The following DCTN4 variants were observed in gnomAD, a reference collection of about 807,000 sequenced individuals.
DCTN4 encodes dynactin subunit 4.
Under a neutral mutation model 62.7 loss-of-function variants are expected in DCTN4, and 23 were observed. The ratio of observed to expected loss-of-function variants is 0.37; its 90% CI spans 0.26 to 0.52. The LOEUF (loss-of-function observed/expected upper bound fraction) is 0.52, where lower values mean the gene tolerates loss of function less well. Ranked by LOEUF, DCTN4 falls within the 20% of genes least tolerant of loss-of-function variation. The probability of loss-of-function intolerance (pLI) is 0.92; values close to 1 mark genes in which losing one functional copy is unlikely to be tolerated. For synonymous variants in DCTN4, 199 were observed against 202.1 expected (o/e 0.98, Z 0.13); for missense variants, 514 against 580.4 (o/e 0.89, Z 1.18).
intron 3 of DCTN4, among the ~76,000 whole-genome samples, chr5:150,746,106 G>A (rs1328279891): frequency 2.0e-5 from 3 of 150,556 alleles, no homozygotes; most frequent in Non-Finnish European, 4.4e-5. Context: ...ATGATAAAGG[G>A]GATATCACCA....
intron 8 of DCTN4, among the ~76,000 whole-genome samples, chr5:150,725,605 T>C (rs1236490633): frequency 6.6e-6 from 1 of 152,198 alleles, no homozygotes; most frequent in Non-Finnish European, 1.5e-5. Flanking sequence ...CGCTAATCTT[T>C]TAATATTTCT....
At chr5:150,758,656 A>T (rs1419893182) in intron 1 of DCTN4, 1 of 1,245,136 alleles carries the variant, frequency 8.0e-7, no homozygotes, top group Non-Finnish European at 1.1e-6. Context: ...TAGAACCAGA[A>T]GATCCGCTCA....
chr5:150,750,690 G>C (rs1008009634), intron 3 of DCTN4, among the ~76,000 whole-genome samples: 42 of 152,272 alleles, frequency 2.8e-4, no homozygotes, highest in African/African-American at 1.0e-3. Context: ...TTGCTTAAAA[G>C]TGAAAAATGT....
intron 3 of DCTN4, among the ~76,000 whole-genome samples, chr5:150,745,454 A>G (rs1174323064): frequency 3.3e-5 from 5 of 152,210 alleles, no homozygotes; most frequent in African/African-American, 1.2e-4. Context: ...ATAGACATCT[A>G]CAGAACTCTC....
intron 4 of DCTN4, among the ~76,000 whole-genome samples, chr5:150,739,703 G>A (rs938739674): frequency 6.6e-6 from 1 of 152,046 alleles, no homozygotes; most frequent in African/African-American, 2.4e-5. Flanking sequence ...AGTCACCAAC[G>A]CAGCATAATA....
chr5:150,731,868 T>A (rs1378558567), intron 5 of DCTN4: 4 of 1,551,236 alleles, frequency 2.6e-6, no homozygotes, highest in East Asian at 2.4e-5. Context: ...TCAGCAAGAA[T>A]CATAAAGGAG....
intron 12 of DCTN4, among the ~76,000 whole-genome samples, chr5:150,713,284 T>C (rs1759634548): frequency 6.6e-6 from 1 of 152,094 alleles, no homozygotes; most frequent in Non-Finnish European, 1.5e-5. Flanking sequence ...TTCTGGTCCC[T>C]AGCTAGACCT....
At chr5:150,742,283 A>G (rs1365283337) in intron 3 of DCTN4, 126 bp from the exon 4 acceptor site, 1 of 900,060 alleles carries the variant, frequency 1.1e-6, no homozygotes, top group East Asian at 2.4e-5. Flanking sequence ...TCTGGTCTAT[A>G]TAACTATAGA....
intron 4 of DCTN4, among the ~76,000 whole-genome samples, chr5:150,741,352 T>C (rs73278059): frequency 0.14 from 20,710 of 152,120 alleles, 2,422 homozygotes; most frequent in African/African-American, 0.31. Flanking sequence ...TTTAAAATAC[T>C]TGTGTGTAGA....
chr5:150,733,581 T>C, intron 4 of DCTN4, 106 bp from the exon 5 acceptor site: 2 of 682,660 alleles, frequency 2.9e-6, no homozygotes, highest in South Asian at 5.3e-5. Flanking sequence ...GACAAATTAT[T>C]AAGATGGGCA....
intron 11 of DCTN4, among the ~76,000 whole-genome samples, chr5:150,715,876 G>T (rs890510618): frequency 1.3e-5 from 2 of 152,024 alleles, no homozygotes; most frequent in African/African-American, 4.8e-5. Flanking sequence ...AGAACATGGG[G>T]GCTTCAATTG....
At chr5:150,746,212 G>A (rs1260732353) in intron 3 of DCTN4, among the ~76,000 whole-genome samples, 2 of 152,186 alleles carry the variant, frequency 1.3e-5, no homozygotes, top group East Asian at 1.9e-4. Context: ...TAAATTCCTC[G>A]ACATATATAC....
At position 150,712,995 on chromosome 5, in the gene DCTN4, C is replaced by T. The variant is rs143473995; in HGVS notation, c.1170-1633G>A. ...TCAGGCTGAAATCTGATATCTCAGA[C>T]AATCATTCCAGAAGTATATCTTGGC... On this transcript the variant is annotated intron_variant, in intron 12 of 12. Transcript: ENST00000447998. Among the ~76,000 whole-genome samples, 51 of 152,278 alleles carry T rather than the reference C, an allele frequency of 3.3e-4. 2 individuals carry two copies. The East Asian group carries it at 4.6e-3, about 14-fold the overall frequency.
At position 150,758,589 on chromosome 5, in the gene DCTN4, G is replaced by C. The variant is rs148190729; in HGVS notation, c.135+270C>G. 6,018 of 1,193,140 alleles carry C rather than the reference G, an allele frequency of 5.0e-3. 18 individuals are homozygous for C. Among genetic ancestry groups the C allele is most frequent in the Middle Eastern group, 7.3e-3 (21 of 2,866 alleles). The allele number at this position is 1,193,140 out of a possible 1,614,324, so 73.9% of individuals were successfully genotyped here. ...TCTCCGTAGTCCACCCAATTACCAA[G>C]CCCCATCGCAGACAGACACGGTCCC... is the stretch of plus-strand genomic sequence containing the variant. On this transcript the variant is annotated intron_variant, in intron 1 of 12. Coordinates refer to ENST00000447998, the MANE Select transcript of DCTN4 (RefSeq NM_016221.4).
At chr5:150,722,553 A>G (rs1340040712) in intron 9 of DCTN4, among the ~76,000 whole-genome samples, 5 of 152,242 alleles carry the variant, frequency 3.3e-5, no homozygotes, top group African/African-American at 1.2e-4. Context: ...GATACTCTTC[A>G]ATCAGCTATA....
intron 3 of DCTN4, among the ~76,000 whole-genome samples, chr5:150,751,249 G>C (rs1018680277): frequency 1.3e-5 from 2 of 152,086 alleles, no homozygotes; most frequent in Non-Finnish European, 2.9e-5. Flanking sequence ...AGATACCAAT[G>C]ACATCAAGGA....
At position 150,709,981 on chromosome 5, in the gene DCTN4, A is replaced by C. The variant is rs1285876525; in HGVS notation, c.*1168T>G. On this transcript the variant is annotated 3_prime_UTR_variant, in exon 13 of 13. Coordinates refer to ENST00000447998, the MANE Select transcript of DCTN4 (RefSeq NM_016221.4). ...AACCCAACTCCAGGATACCAAGTGAAAACAGCAAGTCTGCTGTTAGGCCAG... is the reference window on the plus strand; with the variant it reads ...AACCCAACTCCAGGATACCAAGTGACAACAGCAAGTCTGCTGTTAGGCCAG... 4 of 152,366 alleles carry C rather than the reference A, an allele frequency of 2.6e-5. No homozygotes were observed. The highest frequency in any genetic ancestry group is 5.9e-5 in the Non-Finnish European group (4 of 68,044). The allele number at this position is 152,366 out of a possible 1,614,324, so 9.4% of individuals were successfully genotyped here.
chr5:150,716,171 T>C (rs941563623), intron 11 of DCTN4, among the ~76,000 whole-genome samples: 12 of 152,202 alleles, frequency 7.9e-5, no homozygotes, highest in African/African-American at 2.9e-4. Flanking sequence ...CCCAAACTGT[T>C]GGGATTACAG....
chr5:150,757,654 G>C (rs968919531), intron 1 of DCTN4, among the ~76,000 whole-genome samples: 1 of 152,150 alleles, frequency 6.6e-6, no homozygotes, highest in Admixed American at 6.5e-5. Context: ...TGCTAATGGA[G>C]ATGAGAAGAA....
Sources: allele counts gnomAD v4.1 joint callset (sites outside exome capture counted in the v4.1 genomes callset), GRCh38; gene constraint gnomAD v4.1.1; transcripts MANE v1.5; gene names NCBI Gene and HGNC (gene_info 2026-07-23, HGNC 2026-07-21).